The following XRCC2 variants were observed in gnomAD, a reference collection of about 807,000 sequenced individuals.
XRCC2 encodes the protein DNA repair protein XRCC2.
A neutral mutation model predicts 27.3 loss-of-function variants in XRCC2; 24 were observed. That is an observed-to-expected ratio of 0.88 (90% CI 0.64 to 1.24). The LOEUF (loss-of-function observed/expected upper bound fraction) is 1.24. Ranked by LOEUF, XRCC2 falls within the 50% of genes most tolerant of loss-of-function variation. XRCC2 has a pLI of 0.00. For missense variants in XRCC2, 321 were observed against 325.8 expected, an observed-to-expected ratio of 0.99 and a Z score of 0.11; for synonymous variants, 106 against 115.4, an observed-to-expected ratio of 0.92 and a Z score of 0.52.
At position 152,647,302 on chromosome 7, in the gene XRCC2, CCTTT is replaced by C. The variant is rs1224093326; in HGVS notation, c.*1336_*1339del. ...TTACGTATAGATGCTGGATTTCAGA[CCTTT>C]CTCAGATGCATAGTTTGCAACAATT... On this transcript the variant is annotated 3_prime_UTR_variant, in exon 3 of 3. Coordinates refer to ENST00000359321, the MANE Select transcript of XRCC2 (RefSeq NM_005431.2). 6.6e-6 allele frequency: 1 copy of C among 152,148 alleles called. No homozygotes were observed. Among genetic ancestry groups the C allele is most frequent in the Non-Finnish European group, 1.5e-5 (1 of 68,034 alleles). The allele number at this position is 152,148 out of a possible 1,614,324, so 9.4% of individuals were successfully genotyped here. A position where few individuals can be genotyped will look rare whatever the true frequency, so the allele number is the denominator to read the frequency against.
intron 2 of XRCC2, among the ~76,000 whole-genome samples, chr7:152,656,108 A>G (rs2098030610): frequency 6.6e-6 from 1 of 152,272 alleles, no homozygotes; most frequent in Non-Finnish European, 1.5e-5. Flanking sequence ...TAGCCAGGAC[A>G]AGTAACCTAG....
At chr7:152,666,631 T>G (rs928720403) in intron 1 of XRCC2, among the ~76,000 whole-genome samples, 21 of 151,774 alleles carry the variant, frequency 1.4e-4, no homozygotes, top group Non-Finnish European at 1.5e-5. Flanking sequence ...TTTTTTTTTT[T>G]TTTTGAGACA....
chr7:152,645,805 C>G lies in XRCC2; in HGVS notation c.*2837G>C, dbSNP rs2098025535. On this transcript the variant is annotated 3_prime_UTR_variant, in exon 3 of 3. Transcript: ENST00000359321. The stretch of plus-strand genomic sequence containing the variant: ...AGGTGGCACACACCTGTAATCACAG[C>G]TACTTTGGAGGCTGAGGTGGAGGCT... 1.3e-5 allele frequency: 2 copies of G among 152,194 alleles called. No individual in the cohort carries two copies. Among genetic ancestry groups the G allele is most frequent in the African/African-American group, 4.8e-5 (2 of 41,432 alleles). The allele number at this position is 152,194 out of a possible 1,614,324, so 9.4% of individuals were successfully genotyped here.
intron 1 of XRCC2, among the ~76,000 whole-genome samples, chr7:152,666,556 C>T (rs1229472692): frequency 1.3e-5 from 2 of 151,612 alleles, no homozygotes; most frequent in Non-Finnish European, 2.9e-5. Flanking sequence ...AAGACTAAAA[C>T]CTATAAGAAC....
chr7:152,673,939 T>G (rs79343405), intron 1 of XRCC2, among the ~76,000 whole-genome samples: 8,480 of 152,242 alleles, frequency 0.056, 340 homozygotes, highest in South Asian at 0.11. Context: ...TGGCTTCAGA[T>G]ATATTCCTCA....
At chr7:152,666,700 C>A (rs1440633933) in intron 1 of XRCC2, among the ~76,000 whole-genome samples, 2 of 151,850 alleles carry the variant, frequency 1.3e-5, no homozygotes, top group African/African-American at 4.8e-5. Context: ...TCACTGCAAC[C>A]TCTACCTCCT....
intron 2 of XRCC2, among the ~76,000 whole-genome samples, chr7:152,659,130 C>T (rs2116998130): frequency 6.6e-6 from 1 of 151,920 alleles, no homozygotes; most frequent in South Asian, 2.1e-4. Flanking sequence ...CTTGCTAACA[C>T]TTGCTATTTC....
chr7:152,656,790 A>C lies in XRCC2; in HGVS notation c.121+3911T>G, dbSNP rs890496273. 3.3e-5 allele frequency among the ~76,000 whole-genome samples: 5 copies of C among 152,210 alleles called. No individual in the cohort carries two copies. The South Asian group carries it at 8.3e-4, about 25-fold the overall frequency. On this transcript the variant is annotated intron_variant, in intron 2 of 2. Coordinates refer to ENST00000359321, the MANE Select transcript of XRCC2 (RefSeq NM_005431.2). ...TTTTTGTCTTACATATTTGATCAAA[A>C]TTTGTGTTTTATTATGGAGAATTTT...
chr7:152,655,305 C>T (rs1482904298), intron 2 of XRCC2, among the ~76,000 whole-genome samples: 1 of 152,098 alleles, frequency 6.6e-6, no homozygotes, highest in Non-Finnish European at 1.5e-5. Flanking sequence ...TACCAGCCTA[C>T]CAATTATATA....
At chr7:152,662,224 C>T (rs1451384768) in intron 1 of XRCC2, among the ~76,000 whole-genome samples, 1 of 152,138 alleles carries the variant, frequency 6.6e-6, no homozygotes, top group Non-Finnish European at 1.5e-5. Flanking sequence ...CATCGGCCTC[C>T]CAATCTGCTG....
At chr7:152,653,710 C>A (rs902597463) in intron 2 of XRCC2, among the ~76,000 whole-genome samples, 1 of 152,136 alleles carries the variant, frequency 6.6e-6, no homozygotes, top group Non-Finnish European at 1.5e-5. Context: ...GATCCACCTA[C>A]CTCAGCCTCC....
chr7:152,661,504 C>A (rs918650531), intron 1 of XRCC2, among the ~76,000 whole-genome samples: 1 of 152,234 alleles, frequency 6.6e-6, no homozygotes, highest in Non-Finnish European at 1.5e-5. Context: ...GAGCCACCAC[C>A]TGGGCTCTCT....
intron 2 of XRCC2, among the ~76,000 whole-genome samples, chr7:152,651,427 TTAA>T: frequency 5.1e-5 from 1 of 19,736 alleles, no homozygotes; most frequent in African/African-American, 1.8e-4. Flanking sequence ...AACTCTACAA[TTAA>T]AAAAAAAAAA....
In XRCC2 at chr7:152,647,033, A is replaced by G. The variant is rs1025953387; in HGVS notation, c.*1609T>C. On this transcript the variant is annotated 3_prime_UTR_variant, in exon 3 of 3. Transcript: ENST00000359321. ...TTTACATTTCCACCAACAGTGTATAAGCATATCTTTTTCTCCACAACCTCA... is the reference window on the plus strand; with the variant it reads ...TTTACATTTCCACCAACAGTGTATAGGCATATCTTTTTCTCCACAACCTCA... The G allele has an allele frequency of 1.3e-5, 2 of 152,148 alleles. No individual in the cohort carries two copies. The highest frequency in any genetic ancestry group is 4.8e-5 in the African/African-American group (2 of 41,430). 9.4% of individuals were successfully genotyped at this position (152,148 alleles called of 1,614,324 possible).
At chr7:152,652,889 G>C (rs1376975391) in intron 2 of XRCC2, among the ~76,000 whole-genome samples, 1 of 152,178 alleles carries the variant, frequency 6.6e-6, no homozygotes, top group African/African-American at 2.4e-5. Context: ...GAGTTCAGCA[G>C]GTAAGAAAGT....
intron 2 of XRCC2, among the ~76,000 whole-genome samples, chr7:152,651,853 G>T (rs1296980955): frequency 6.6e-6 from 1 of 151,720 alleles, no homozygotes; most frequent in Non-Finnish European, 1.5e-5. Context: ...AGTTCTCATA[G>T]ACTTCTCTTT....
intron 1 of XRCC2, 130 bp downstream of exon 1, chr7:152,675,911 C>G: frequency 7.9e-7 from 1 of 1,264,376 alleles, no homozygotes; most frequent in South Asian, 1.2e-5. Context: ...GCGTCTAGGC[C>G]GAGAGGCCGG....
chr7:152,653,232 C>T (rs1208896061), intron 2 of XRCC2, among the ~76,000 whole-genome samples: 2 of 152,052 alleles, frequency 1.3e-5, no homozygotes, highest in Non-Finnish European at 2.9e-5. Flanking sequence ...CTGCCATCCA[C>T]GTAGGATGGG....
At position 152,662,402 on chromosome 7, in the gene XRCC2, T is replaced by A. The variant is rs191598904; in HGVS notation, c.40-1620A>T. On this transcript the variant is annotated intron_variant, in intron 1 of 2. Coordinates refer to ENST00000359321, the MANE Select transcript of XRCC2 (RefSeq NM_005431.2). ...AGTGTCTGCACCATGACGGAAGTCA[T>A]TAGGATCACAGGGGGCAATCTCGGT... 3.0e-3 allele frequency among the ~76,000 whole-genome samples: 455 copies of A among 151,502 alleles called. 4 individuals carry two copies. The highest frequency in any genetic ancestry group is 0.011 in the African/African-American group (441 of 41,274).
Sources: gnomAD v4.1 joint callset for allele counts (sites outside exome capture counted in the v4.1 genomes callset) on GRCh38, gnomAD v4.1.1 for gene constraint, MANE v1.5 for transcripts, NCBI Gene and HGNC (gene_info 2026-07-23, HGNC 2026-07-21) for gene names.